Variants in CRKL observed in about 807,000 individuals in gnomAD.
CRKL encodes the protein crk-like protein.
Under a neutral mutation model 23.0 loss-of-function variants are expected in CRKL, and 3 were observed. That is an observed-to-expected ratio of 0.13 (90% confidence interval 0.06 to 0.34). The LOEUF is 0.34. Ranked by LOEUF, CRKL falls within the 10% of genes least tolerant of loss-of-function variation. The probability of loss-of-function intolerance (pLI) is 1.00; values close to 1 mark genes in which losing one functional copy is unlikely to be tolerated. For synonymous variants in CRKL, 188 were observed against 160.7 expected (o/e 1.17, Z -1.28); for missense variants, 256 against 394.5 (o/e 0.65, Z 2.97).
intron 2 of CRKL, among the ~76,000 whole-genome samples, chr22:20,935,047 C>T (rs750114594): frequency 2.6e-5 from 4 of 151,960 alleles, no homozygotes; most frequent in Non-Finnish European, 4.4e-5. Flanking sequence ...ATCTCCTGAC[C>T]TCGTGATCTG....
chr22:20,941,440 G>T (rs922350973), intron 2 of CRKL, among the ~76,000 whole-genome samples: 1 of 149,930 alleles, frequency 6.7e-6, no homozygotes, highest in Non-Finnish European at 1.5e-5. Flanking sequence ...ATAATACCAT[G>T]CAAATGTAGG....
At chr22:20,933,523 C>G (rs759085397) in intron 1 of CRKL, among the ~76,000 whole-genome samples, 53 of 151,852 alleles carry the variant, frequency 3.5e-4, no homozygotes, top group East Asian at 9.7e-4. Flanking sequence ...AAAAAGTTAC[C>G]TGGGCGTGGT....
rs1053415205 is a variant in CRKL at position 20,952,585 on chromosome 22, G to A, written c.*2740G>A. ...TGCCTCAGCTCAGCTTCGTGCCTGG[G>A]TTCCCCACTGGTCTGGGAAGACTGT... On this transcript the variant is annotated 3_prime_UTR_variant, in exon 3 of 3. Transcript: ENST00000354336. 1.3e-5 allele frequency: 3 copies of A among 232,670 alleles called. No individual in the cohort carries two copies. The highest frequency in any genetic ancestry group is 2.6e-5 in the Non-Finnish European group (3 of 117,630). The allele number at this position is 232,670 out of a possible 1,614,324, so 14.4% of individuals were successfully genotyped here.
intron 2 of CRKL, 149 bp downstream of exon 2, chr22:20,934,393 T>A (rs1007033643): frequency 1.3e-5 from 10 of 752,238 alleles, no homozygotes; most frequent in Non-Finnish European, 2.1e-5. Flanking sequence ...CGTTTCATTT[T>A]AAAATTTTTT....
rs998074116 is a variant in CRKL at position 20,918,325 on chromosome 22, C to A, written c.311+80C>A. On this transcript the variant is annotated intron_variant, in intron 1 of 2. Coordinates refer to ENST00000354336, the MANE Select transcript of CRKL (RefSeq NM_005207.4). ...AGAGTGCTTGTATAGGGGGGTGGGGCGCGCTTGAACCCATATTCCCCGCAT... is the reference window on the plus strand; with the variant it reads ...AGAGTGCTTGTATAGGGGGGTGGGGAGCGCTTGAACCCATATTCCCCGCAT... The A allele has an allele frequency of 6.8e-6, 10 of 1,466,264 alleles. No individual in the cohort carries two copies. The African/African-American group carries it at 9.8e-5, about 14-fold the overall frequency. The allele number at this position is 1,466,264 out of a possible 1,614,324, so 90.8% of individuals were successfully genotyped here.
chr22:20,943,642 G>A lies in CRKL; in HGVS notation c.778-6069G>A, dbSNP rs1233908742. ...TCTTTTGCATGTGGAAATTGGTGCAGTTGTCCCAGCAAGGTTATTCTTTCC... is the reference window on the plus strand; with the variant it reads ...TCTTTTGCATGTGGAAATTGGTGCAATTGTCCCAGCAAGGTTATTCTTTCC... On this transcript the variant is annotated intron_variant, in intron 2 of 2. Transcript: ENST00000354336. Among the ~76,000 whole-genome samples the A allele has an allele frequency of 2.0e-5, 3 of 152,196 alleles. No individual in the cohort carries two copies. The East Asian group carries it at 5.8e-4, about 29-fold the overall frequency.
intron 1 of CRKL, among the ~76,000 whole-genome samples, chr22:20,923,281 ATT>A (rs762552627): frequency 6.9e-6 from 1 of 145,876 alleles, no homozygotes; most frequent in African/African-American, 2.5e-5. Context: ...TAAAAAAAAA[ATT>A]TTTTTTTTTT....
chr22:20,921,020 A>C (rs939668270), intron 1 of CRKL, among the ~76,000 whole-genome samples: 3 of 152,212 alleles, frequency 2.0e-5, no homozygotes, highest in African/African-American at 7.2e-5. Flanking sequence ...TGAATCTTCG[A>C]ATTGCCACTC....
chr22:20,928,619 C>T (rs1410479598), intron 1 of CRKL, among the ~76,000 whole-genome samples: 1 of 151,800 alleles, frequency 6.6e-6, no homozygotes, highest in South Asian at 2.1e-4. Flanking sequence ...TCAAGACCAG[C>T]TTAGACAACA....
rs562174479 is a variant in CRKL, at chr22:20,917,858, G to T, written c.-77G>T. On this transcript the variant is annotated 5_prime_UTR_variant, in exon 1 of 3. Transcript: ENST00000354336. ...GAGGCCCTTCCTCGGCCCCAAAGCCGTCTGCCGGGCTAAGGCGTGCAGAGC... is the reference window on the plus strand; with the variant it reads ...GAGGCCCTTCCTCGGCCCCAAAGCCTTCTGCCGGGCTAAGGCGTGCAGAGC... The T allele has an allele frequency of 9.8e-6, 14 of 1,430,280 alleles. No individual in the cohort carries two copies. Among genetic ancestry groups the T allele is most frequent in the Middle Eastern group, 2.4e-4 (1 of 4,124 alleles). 88.6% of individuals were successfully genotyped at this position (1,430,280 alleles called of 1,614,324 possible). A position where few individuals can be genotyped will look rare whatever the true frequency, so the allele number is the denominator to read the frequency against.
chr22:20,934,970 C>G (rs972448559), intron 2 of CRKL, among the ~76,000 whole-genome samples: 7 of 151,964 alleles, frequency 4.6e-5, no homozygotes, highest in African/African-American at 1.7e-4. Flanking sequence ...CCCGCCACCA[C>G]GCCTGGCTAA....
chr22:20,948,294 CGTTTTCAGCCT>C (rs1485976549), intron 2 of CRKL, among the ~76,000 whole-genome samples: 1 of 152,044 alleles, frequency 6.6e-6, no homozygotes, highest in Middle Eastern at 3.2e-3. Context: ...TATTAGACCC[CGTTTTCAGCCT>C]GTTCCTCATT....
At chr22:20,932,286 GT>G (rs1178362377) in intron 1 of CRKL, among the ~76,000 whole-genome samples, 1 of 151,930 alleles carries the variant, frequency 6.6e-6, no homozygotes, top group Non-Finnish European at 1.5e-5. Flanking sequence ...TTTTTTGTCT[GT>G]TTAGTAGAGA....
intron 1 of CRKL, among the ~76,000 whole-genome samples, chr22:20,926,945 C>T (rs1168401223): frequency 1.3e-5 from 2 of 151,520 alleles, no homozygotes; most frequent in Non-Finnish European, 2.9e-5. Context: ...AACCCTGTCT[C>T]TACTAAAATA....
At chr22:20,947,634 C>CCGGCCACTTTGTGCTTTTCACACTATGT (rs1287299587) in intron 2 of CRKL, among the ~76,000 whole-genome samples, 1 of 148,880 alleles carries the variant, frequency 6.7e-6, no homozygotes, top group African/African-American at 2.4e-5. Flanking sequence ...GCCACTGCGC[C>CCGGCCACTTTGTGCTTTTCACACTATGT]TAGGCTTTTT....
chr22:20,948,707 G>T (rs1233314614), intron 2 of CRKL, among the ~76,000 whole-genome samples: 1 of 151,950 alleles, frequency 6.6e-6, no homozygotes, highest in African/African-American at 2.4e-5. Flanking sequence ...GCTGCGTTGC[G>T]CCGGCTGGTC....
At chr22:20,922,006 CTTTTTTT>C (rs66728040) in intron 1 of CRKL, among the ~76,000 whole-genome samples, 7 of 69,920 alleles carry the variant, frequency 1.0e-4, no homozygotes, top group African/African-American at 2.1e-4. Flanking sequence ...CTGCGCCCGG[CTTTTTTT>C]TTTTTTTTTT....
At position 20,951,470 on chromosome 22, in the gene CRKL, A is replaced by G. The variant is rs976745143; in HGVS notation, c.*1625A>G. ...GCCAACTGGTATATACGTGTGGTTC[A>G]TCCATCATCTGCTGCACATAGCAGA... On this transcript the variant is annotated 3_prime_UTR_variant, in exon 3 of 3. Transcript: ENST00000354336. The G allele has an allele frequency of 4.4e-6, 1 of 229,268 alleles. No homozygotes were observed. Among genetic ancestry groups the G allele is most frequent in the Non-Finnish European group, 8.7e-6 (1 of 115,588 alleles). The allele number at this position is 229,268 out of a possible 1,614,324, so 14.2% of individuals were successfully genotyped here. A position where few individuals can be genotyped will look rare whatever the true frequency, so the allele number is the denominator to read the frequency against.
chr22:20,938,726 A>G (rs968211584), intron 2 of CRKL, among the ~76,000 whole-genome samples: 1 of 152,198 alleles, frequency 6.6e-6, no homozygotes, highest in Non-Finnish European at 1.5e-5. Context: ...TGCTTTTCTG[A>G]CTAAAACGGA....
Sources: gnomAD v4.1 joint callset for allele counts (sites outside exome capture counted in the v4.1 genomes callset) on GRCh38, gnomAD v4.1.1 for gene constraint, MANE v1.5 for transcripts, NCBI Gene and HGNC (gene_info 2026-07-23, HGNC 2026-07-21) for gene names.